The following PDLIM1 variants were observed in gnomAD, a reference collection of about 807,000 sequenced individuals.
PDLIM1 encodes the protein PDZ and LIM domain protein 1.
A neutral mutation model predicts 35.2 loss-of-function variants in PDLIM1; 25 were observed. The ratio of observed to expected loss-of-function variants is 0.71; its 90% CI spans 0.52 to 0.99. The LOEUF (loss-of-function observed/expected upper bound fraction) is 0.99. PDLIM1 is among the 50% of genes least tolerant of loss of function. The pLI is 0.00. For missense variants in PDLIM1, 363 were observed against 415.3 expected (o/e 0.87, Z 1.09); for synonymous variants, 152 against 154.0 (o/e 0.99, Z 0.10).
chr10:95,271,592 T>C, intron 2 of PDLIM1, 41 bp downstream of exon 2: 1 of 1,553,590 alleles, frequency 6.4e-7, no homozygotes, highest in Non-Finnish European at 8.7e-7. Context: ...AAACAGCTTC[T>C]AGTCAATCAG....
intron 1 of PDLIM1, chr10:95,273,120 G>A (rs45618541): frequency 7.6e-4 from 116 of 152,192 alleles, no homozygotes; most frequent in African/African-American, 2.7e-3. Flanking sequence ...ATCATCCCAG[G>A]GTAAGTTCAC....
chr10:95,247,275 G>C lies in PDLIM1; in HGVS notation c.625C>G (p.Pro209Ala), dbSNP rs754270120. Reference protein sequence around the residue: ...MLQEKQELNEPPKQSTSFLVL... With the variant: ...MLQEKQELNEAPKQSTSFLVL... Reference sequence around the variant, plus strand: ...AAGAAAGACGTGGACTGTTTCGGGGGCTCATTCAACTCCTGTTTCTCCTGA... The same window carrying C: ...AAGAAAGACGTGGACTGTTTCGGGGCCTCATTCAACTCCTGTTTCTCCTGA... Residue 209 changes from proline (P) to alanine (A), a missense_variant, in exon 5 of 7, where the codon CCC becomes GCC. Physicochemically the swap from Pro to Ala is conservative, Grantham distance 27. Transcript: ENST00000329399. 1 of 1,614,004 alleles carries C rather than the reference G, an allele frequency of 6.2e-7. No individual in the cohort carries two copies. Among genetic ancestry groups the C allele is most frequent in the South Asian group, 1.1e-5 (1 of 91,050 alleles).
intron 5 of PDLIM1, 106 bp downstream of exon 5, chr10:95,247,109 G>T: frequency 1.1e-6 from 1 of 906,024 alleles, no homozygotes; most frequent in Non-Finnish European, 1.7e-6. Flanking sequence ...AAAAGCCCAT[G>T]CCCTCCAAAG....
chr10:95,287,249 C>T (rs188394997), intron 1 of PDLIM1, among the ~76,000 whole-genome samples: 4 of 152,180 alleles, frequency 2.6e-5, no homozygotes, highest in Non-Finnish European at 4.4e-5. Context: ...CATAATGACC[C>T]TTTTTGGACA....
chr10:95,239,194 C>A (rs2035153042), intron 5 of PDLIM1, among the ~76,000 whole-genome samples: 1 of 152,088 alleles, frequency 6.6e-6, no homozygotes, highest in African/African-American at 2.4e-5. Flanking sequence ...ATATAAAAAT[C>A]AGCTCAAGAT....
chr10:95,271,210 G>A (rs45454793), intron 2 of PDLIM1, among the ~76,000 whole-genome samples: 8 of 151,638 alleles, frequency 5.3e-5, no homozygotes, highest in Admixed American at 5.2e-4. Flanking sequence ...GCCAAGGCAG[G>A]TGGATCACCT....
At chr10:95,252,668 CAAAT>C (rs937983714) in intron 4 of PDLIM1, among the ~76,000 whole-genome samples, 8 of 151,896 alleles carry the variant, frequency 5.3e-5, no homozygotes, top group African/African-American at 9.7e-5. Flanking sequence ...ACATTTAAAA[CAAAT>C]AAAGTCTCAA....
intron 6 of PDLIM1, 87 bp from the exon 7 acceptor site, chr10:95,238,198 A>T: frequency 8.1e-7 from 1 of 1,236,764 alleles, no homozygotes; most frequent in Non-Finnish European, 1.1e-6. Context: ...CTTCCTGAGC[A>T]GGGGCCTGGG....
intron 5 of PDLIM1, among the ~76,000 whole-genome samples, chr10:95,241,232 C>A (rs764218006): frequency 1.3e-5 from 2 of 152,192 alleles, no homozygotes; most frequent in African/African-American, 2.4e-5. Flanking sequence ...CATGTTCACA[C>A]AATGGACATT....
chr10:95,239,611 C>T (rs2133406905), intron 5 of PDLIM1, among the ~76,000 whole-genome samples: 1 of 152,284 alleles, frequency 6.6e-6, no homozygotes, highest in South Asian at 2.1e-4. Context: ...GCCTGGCCAA[C>T]ATAGCCAAAC....
chr10:95,268,827 T>A lies in PDLIM1; in HGVS notation c.284A>T (p.Glu95Val). The stretch of plus-strand genomic sequence containing the variant: ...CTTGTATGGATGACGCTTCCCTTCC[T>A]CCGTCACCAGAGGAGACCAGACTTT... ...EHKVWSPLVTEEGKRHPYKMN... is the reference protein window; with the variant it reads ...EHKVWSPLVTVEGKRHPYKMN... Residue 95 changes from glutamate (E) to valine (V), a missense_variant, in exon 3 of 7, where the codon GAG becomes GTG. By Grantham distance (121) the Glu-to-Val change is moderately radical (BLOSUM62 -2). Transcript: ENST00000329399. 1 of 1,613,280 alleles carries A rather than the reference T, an allele frequency of 6.2e-7. No individual in the cohort carries two copies. Among genetic ancestry groups the A allele is most frequent in the Non-Finnish European group, 8.5e-7 (1 of 1,179,238 alleles).
At chr10:95,256,986 A>AAAGG in intron 4 of PDLIM1, among the ~76,000 whole-genome samples, 1 of 61,668 alleles carries the variant, frequency 1.6e-5, no homozygotes, top group Admixed American at 2.0e-4. Context: ...AAAAAAAAAA[A>AAAGG]AAAGAAAGAA....
intron 4 of PDLIM1, among the ~76,000 whole-genome samples, chr10:95,262,248 G>A (rs1239324335): frequency 6.6e-6 from 1 of 152,110 alleles, no homozygotes; most frequent in Non-Finnish European, 1.5e-5. Context: ...TGCATTTGAA[G>A]CCATTGGTTT....
chr10:95,250,503 A>C (rs1267297324), intron 4 of PDLIM1, among the ~76,000 whole-genome samples: 1 of 152,230 alleles, frequency 6.6e-6, no homozygotes, highest in Non-Finnish European at 1.5e-5. Flanking sequence ...CCAACGTCTA[A>C]GTCTTAGACA....
At chr10:95,248,763 T>C (rs528510226) in intron 4 of PDLIM1, among the ~76,000 whole-genome samples, 2 of 152,326 alleles carry the variant, frequency 1.3e-5, no homozygotes, top group South Asian at 2.1e-4. Context: ...CCTGGCCCAC[T>C]CTGCTCTACT....
At chr10:95,261,128 A>G (rs1197890941) in intron 4 of PDLIM1, among the ~76,000 whole-genome samples, 2 of 152,226 alleles carry the variant, frequency 1.3e-5, no homozygotes, top group Non-Finnish European at 2.9e-5. Context: ...GCTAGAGGAA[A>G]GGCTTAAACA....
intron 1 of PDLIM1, among the ~76,000 whole-genome samples, chr10:95,281,343 C>T (rs74677878): frequency 0.017 from 2,612 of 151,398 alleles, 69 homozygotes; most frequent in African/African-American, 0.058. Context: ...CTTTGGGAGG[C>T]CACAGCAGGA....
chr10:95,256,638 T>C (rs574980180), intron 4 of PDLIM1, among the ~76,000 whole-genome samples: 4 of 152,230 alleles, frequency 2.6e-5, no homozygotes, highest in South Asian at 4.2e-4. Context: ...GATATTCACA[T>C]GTAAAAGAAT....
chr10:95,262,579 G>A (rs868379379), intron 4 of PDLIM1, among the ~76,000 whole-genome samples: 2 of 152,120 alleles, frequency 1.3e-5, no homozygotes, highest in African/African-American at 4.8e-5. Flanking sequence ...AGGAATGCAC[G>A]CTCCAGCTGC....
Sources: allele counts gnomAD v4.1 joint callset (sites outside exome capture counted in the v4.1 genomes callset), GRCh38; gene constraint gnomAD v4.1.1; transcripts MANE v1.5; gene names NCBI Gene and HGNC (gene_info 2026-07-23, HGNC 2026-07-21).